The following SORBS3 variants were observed in gnomAD, a reference collection of about 807,000 sequenced individuals.
The protein encoded by SORBS3 is vinexin.
SORBS3 carries 69 observed loss-of-function variants against 98.0 expected under a neutral mutation model. That is an observed-to-expected ratio of 0.70 (90% CI 0.58 to 0.86). The LOEUF (loss-of-function observed/expected upper bound fraction) is 0.86. Among genes scored for constraint, SORBS3 ranks in the 40% least tolerant of loss-of-function variants. The pLI is 0.00. For synonymous variants in SORBS3, 394 were observed against 355.4 expected (o/e 1.11, Z -1.22); for missense variants, 954 against 908.5 (o/e 1.05, Z -0.64).
At chr8:22,566,574 T>G in intron 13 of SORBS3, 87 bp from the exon 14 acceptor site, 2 of 1,580,018 alleles carry the variant, frequency 1.3e-6, no homozygotes, top group South Asian at 2.3e-5. Flanking sequence ...CAGAGCCCCT[T>G]GCTTCTGCCA....
chr8:22,560,828 CAT>C (rs1840275717), intron 5 of SORBS3: 1 of 137,516 alleles, frequency 7.3e-6, no homozygotes, highest in African/African-American at 3.0e-5. Context: ...CGTTGCAGCG[CAT>C]GCGTGTGTGT....
chr8:22,562,237 C>A (rs1348910133), intron 7 of SORBS3, among the ~76,000 whole-genome samples: 1 of 152,228 alleles, frequency 6.6e-6, no homozygotes, highest in Non-Finnish European at 1.5e-5. Context: ...AAGATCCCAC[C>A]GGTCTTATGA....
intron 1 of SORBS3, chr8:22,545,497 AAAGATGATACTGG>A (rs1840007022): frequency 6.6e-6 from 1 of 152,294 alleles, no homozygotes; most frequent in Admixed American, 6.5e-5. Context: ...TCACAAAGGT[AAAGATGATACTGG>A]AGAGTATATT....
intron 11 of SORBS3, 156 bp from the exon 12 acceptor site, chr8:22,565,670 C>A (rs1208219506): frequency 7.4e-6 from 9 of 1,209,234 alleles, no homozygotes; most frequent in African/African-American, 1.6e-5. Flanking sequence ...CTAGTTCCCG[C>A]CCCGCTCCCG....
intron 4 of SORBS3, 67 bp downstream of exon 4, chr8:22,556,975 G>A (rs1252504008): frequency 3.2e-6 from 5 of 1,551,612 alleles, no homozygotes; most frequent in African/African-American, 2.7e-5. Context: ...GCACTTCTGT[G>A]CATTAAAATG....
Position 22,574,597 on chromosome 8 carries a change from C to CA in SORBS3, c.1955-69dup, listed in dbSNP as rs946624989. ...AGTTCTGGGCACTGCCGGCAGGGGG[C>CA]AGGCCCTCACCCCTGCATCCCTGTT... On this transcript the variant is annotated intron_variant, in intron 20 of 20. Coordinates refer to ENST00000240123, the MANE Select transcript of SORBS3 (RefSeq NM_005775.5). The CA allele has an allele frequency of 6.7e-6, 10 of 1,486,178 alleles. No homozygotes were observed. The African/African-American group carries it at 9.8e-5, about 15-fold the overall frequency. 92.1% of individuals were successfully genotyped at this position (1,486,178 alleles called of 1,614,324 possible).
chr8:22,548,914 G>A (rs760364882), upstream of SORBS3, among the ~76,000 whole-genome samples: 4 of 152,126 alleles, frequency 2.6e-5, no homozygotes, highest in Non-Finnish European at 5.9e-5. Flanking sequence ...GCATTCCACC[G>A]CCTTCTCCCC....
At chr8:22,563,507 A>G (rs3758033) in intron 7 of SORBS3, among the ~76,000 whole-genome samples, 6,079 of 152,242 alleles carry the variant, frequency 0.04, 306 homozygotes, top group African/African-American at 0.12. Flanking sequence ...TTCCTTGCCC[A>G]TGGGTGTACG....
chr8:22,555,566 G>A lies in SORBS3; in HGVS notation c.220+586G>A, dbSNP rs1013400621. On this transcript the variant is annotated intron_variant, in intron 3 of 20. Coordinates refer to ENST00000240123, the MANE Select transcript of SORBS3 (RefSeq NM_005775.5). The stretch of plus-strand genomic sequence containing the variant: ...AGCAAGACCCTGTCTCTATCAGCCT[G>A]GATGACACAGCAAGACCCTGTCACT... Among the ~76,000 whole-genome samples the A allele has an allele frequency of 2.6e-5, 4 of 151,308 alleles. No individual in the cohort carries two copies. In the South Asian group the frequency reaches 8.4e-4, roughly 32 times the overall value.
chr8:22,553,512 C>G (rs1840125913), intron 1 of SORBS3, among the ~76,000 whole-genome samples: 1 of 152,178 alleles, frequency 6.6e-6, no homozygotes, highest in Non-Finnish European at 1.5e-5. Context: ...CTTGCACCCC[C>G]ACTCTGGGCT....
At chr8:22,562,693 C>T (rs757734587) in intron 7 of SORBS3, among the ~76,000 whole-genome samples, 7 of 152,242 alleles carry the variant, frequency 4.6e-5, no homozygotes, top group Non-Finnish European at 1.0e-4. Flanking sequence ...GTACCTCACT[C>T]AGTCTGAGCC....
intron 3 of SORBS3, among the ~76,000 whole-genome samples, chr8:22,556,007 C>T (rs1378016973): frequency 6.6e-6 from 1 of 152,200 alleles, no homozygotes; most frequent in Non-Finnish European, 1.5e-5. Context: ...TGACAGCTTC[C>T]CAGTAAGGAA....
chr8:22,560,839 G>GTGTC (rs1563822028), intron 5 of SORBS3: 2 of 88,854 alleles, frequency 2.3e-5, no homozygotes, highest in African/African-American at 1.2e-4. Flanking sequence ...ATGCGTGTGT[G>GTGTC]TGTGTGTGTG....
At chr8:22,561,236 C>T in intron 5 of SORBS3, 99 bp from the exon 6 acceptor site, 1 of 1,187,394 alleles carries the variant, frequency 8.4e-7, no homozygotes, top group Non-Finnish European at 1.2e-6. Flanking sequence ...CCTCAGCCCC[C>T]TACTCTAGGG....
At chr8:22,568,839 G>T (rs890335406) in intron 16 of SORBS3, among the ~76,000 whole-genome samples, 1 of 152,174 alleles carries the variant, frequency 6.6e-6, no homozygotes, top group African/African-American at 2.4e-5. Context: ...TTCTTCTGTG[G>T]TCCAACTTAA....
intron 16 of SORBS3, among the ~76,000 whole-genome samples, chr8:22,568,111 C>A (rs1046164172): frequency 3.3e-5 from 5 of 152,170 alleles, no homozygotes; most frequent in Non-Finnish European, 5.9e-5. Flanking sequence ...CTCAGCCTCC[C>A]AAAGTGCTTG....
rs890381532 is a variant in SORBS3 at position 22,552,016 on chromosome 8, G to C, written c.-62G>C. 3.0e-6 allele frequency: 3 copies of C among 985,324 alleles called. No homozygotes were observed. Among genetic ancestry groups the C allele is most frequent in the Non-Finnish European group, 3.6e-6 (3 of 829,970 alleles). 61.0% of individuals were successfully genotyped at this position (985,324 alleles called of 1,614,324 possible). Reference sequence around the variant, plus strand: ...CCTCGGGCCCAGCCACCTGCTCGCCGGGGAAGGTAGGTCCGGGCAAGGAGG... The same window carrying C: ...CCTCGGGCCCAGCCACCTGCTCGCCCGGGAAGGTAGGTCCGGGCAAGGAGG... On this transcript the variant is annotated 5_prime_UTR_variant, in exon 1 of 21. Coordinates refer to ENST00000240123, the MANE Select transcript of SORBS3 (RefSeq NM_005775.5).
chr8:22,557,650 A>T (rs896934649), intron 4 of SORBS3, among the ~76,000 whole-genome samples: 3 of 152,130 alleles, frequency 2.0e-5, no homozygotes, highest in African/African-American at 4.8e-5. Flanking sequence ...TATAAAAAAA[A>T]AAATAAAATA....
chr8:22,570,025 G>A (rs994993206), intron 17 of SORBS3, among the ~76,000 whole-genome samples: 9 of 152,212 alleles, frequency 5.9e-5, no homozygotes, highest in African/African-American at 2.2e-4. Context: ...ACATATATAT[G>A]TATTCTGGGC....
Sources: gnomAD v4.1 joint callset for allele counts (sites outside exome capture counted in the v4.1 genomes callset) on GRCh38, gnomAD v4.1.1 for gene constraint, MANE v1.5 for transcripts, NCBI Gene and HGNC (gene_info 2026-07-23, HGNC 2026-07-21) for gene names.